WNT7A: variants seen among roughly 807,000 people sequenced by gnomAD.
WNT7A encodes protein Wnt-7a.
WNT7A carries 16 observed loss-of-function variants against 28.2 expected under a neutral mutation model. That is an observed-to-expected ratio of 0.57 (90% CI 0.38 to 0.86). WNT7A has a LOEUF of 0.86. WNT7A is among the 40% of genes least tolerant of loss of function. WNT7A has a pLI of 0.00. For missense variants in WNT7A, 411 were observed against 489.7 expected, an observed-to-expected ratio of 0.84 and a Z score of 1.52; for synonymous variants, 190 against 195.9, an observed-to-expected ratio of 0.97 and a Z score of 0.25.
intron 2 of WNT7A, among the ~76,000 whole-genome samples, chr3:13,873,292 A>G (rs533102095): frequency 2.2e-4 from 33 of 152,046 alleles, no homozygotes; most frequent in Non-Finnish European, 4.3e-4. Flanking sequence ...CTCTGGAAAG[A>G]TCCTCTGCCA....
At chr3:13,858,675 C>T (rs1022934134) in intron 2 of WNT7A, among the ~76,000 whole-genome samples, 6 of 152,134 alleles carry the variant, frequency 3.9e-5, no homozygotes, top group African/African-American at 1.4e-4. Flanking sequence ...TCCTCAGCAC[C>T]CACTGCCCCT....
intron 3 of WNT7A, among the ~76,000 whole-genome samples, chr3:13,841,173 G>A (rs1694451109): frequency 1.3e-5 from 2 of 152,176 alleles, no homozygotes; most frequent in Non-Finnish European, 2.9e-5. Flanking sequence ...ATAATCTCAG[G>A]CGTCAGTGAA....
At chr3:13,856,418 G>GC (rs1694730325) in intron 2 of WNT7A, among the ~76,000 whole-genome samples, 1 of 152,234 alleles carries the variant, frequency 6.6e-6, no homozygotes, top group African/African-American at 2.4e-5. Flanking sequence ...GTGGAATGAA[G>GC]CCCCTGGGGA....
At chr3:13,867,112 C>G (rs1251298042) in intron 2 of WNT7A, among the ~76,000 whole-genome samples, 1 of 152,144 alleles carries the variant, frequency 6.6e-6, no homozygotes, top group East Asian at 1.9e-4. Flanking sequence ...GGGATGTCAT[C>G]CAATGGATAA....
intron 3 of WNT7A, among the ~76,000 whole-genome samples, chr3:13,835,262 C>T (rs779983553): frequency 2.6e-5 from 4 of 152,150 alleles, no homozygotes; most frequent in Non-Finnish European, 5.9e-5. Context: ...CAGGTGTCCA[C>T]GCAGAGGACA....
chr3:13,847,168 G>A (rs1306542038), intron 3 of WNT7A, among the ~76,000 whole-genome samples: 1 of 152,212 alleles, frequency 6.6e-6, no homozygotes, highest in East Asian at 1.9e-4. Context: ...CTCCGCCCCA[G>A]CCTGGGCTGG....
At chr3:13,822,177 C>G (rs1298755496) in intron 3 of WNT7A, among the ~76,000 whole-genome samples, 1 of 152,210 alleles carries the variant, frequency 6.6e-6, no homozygotes, top group Non-Finnish European at 1.5e-5. Context: ...TCTGGCAGCT[C>G]CTCAGAATGT....
At chr3:13,861,561 G>A (rs923113089) in intron 2 of WNT7A, among the ~76,000 whole-genome samples, 1 of 152,226 alleles carries the variant, frequency 6.6e-6, no homozygotes, top group African/African-American at 2.4e-5. Context: ...GGGGATATCT[G>A]GGGTGGTGCC....
chr3:13,864,293 C>T (rs1388115692), intron 2 of WNT7A, among the ~76,000 whole-genome samples: 1 of 152,148 alleles, frequency 6.6e-6, no homozygotes, highest in Non-Finnish European at 1.5e-5. Flanking sequence ...TGAGTCTGGT[C>T]CCAAAACCCT....
intron 3 of WNT7A, among the ~76,000 whole-genome samples, chr3:13,847,480 T>A (rs553649487): frequency 6.6e-6 from 1 of 152,274 alleles, no homozygotes; most frequent in South Asian, 2.1e-4. Context: ...ATTGATTAAA[T>A]GCCCACAGAA....
At chr3:13,859,465 A>T (rs1694794901) in intron 2 of WNT7A, among the ~76,000 whole-genome samples, 1 of 152,220 alleles carries the variant, frequency 6.6e-6, no homozygotes, top group Non-Finnish European at 1.5e-5. Flanking sequence ...AGTGAGCATT[A>T]TAATTATAAT....
intron 2 of WNT7A, among the ~76,000 whole-genome samples, chr3:13,859,024 A>G (rs1192504693): frequency 6.6e-6 from 1 of 152,214 alleles, no homozygotes; most frequent in African/African-American, 2.4e-5. Flanking sequence ...AGTGAACTGA[A>G]TTACAAAACA....
rs946331203 is a variant in WNT7A, at chr3:13,871,829, C to G, written c.298+3118G>C. Among the ~76,000 whole-genome samples, 3 of 152,302 alleles carry G rather than the reference C, an allele frequency of 2.0e-5. No individual in the cohort carries two copies. The East Asian group carries it at 5.8e-4, about 29-fold the overall frequency. On this transcript the variant is annotated intron_variant, in intron 2 of 3. Transcript: ENST00000285018. ...AAACCCAAAGTCGGATACTGTCCCT[C>G]CCTTATTGTCTCCCCTCCAGAAGGT... is the stretch of plus-strand genomic sequence containing the variant.
chr3:13,819,433 A>G lies in WNT7A; in HGVS notation c.571-10T>C. 6.2e-7 allele frequency: 1 copy of G among 1,610,704 alleles called. No individual in the cohort carries two copies. Among genetic ancestry groups the G allele is most frequent in the Non-Finnish European group, 8.5e-7 (1 of 1,179,834 alleles). On this transcript the variant is annotated splice_polypyrimidine_tract_variant and intron_variant, in intron 3 of 3. Coordinates refer to ENST00000285018, the MANE Select transcript of WNT7A (RefSeq NM_004625.4). ...TGTTCTCCTCCAGGATCTGCAGGGGAGGGCGGGGAAGAGCACAGCACAGGT... is the reference window on the plus strand; with the variant it reads ...TGTTCTCCTCCAGGATCTGCAGGGGGGGGCGGGGAAGAGCACAGCACAGGT...
intron 3 of WNT7A, among the ~76,000 whole-genome samples, chr3:13,835,192 C>T (rs1007311506): frequency 1.3e-5 from 2 of 152,136 alleles, no homozygotes; most frequent in East Asian, 3.9e-4. Flanking sequence ...GGGTCTTTGT[C>T]CTGATGGTTC....
chr3:13,876,524 G>A (rs1439007299), intron 1 of WNT7A, among the ~76,000 whole-genome samples: 1 of 152,184 alleles, frequency 6.6e-6, no homozygotes, highest in Non-Finnish European at 1.5e-5. Flanking sequence ...AGGGCTGCAG[G>A]TAGAGCCACT....
At chr3:13,863,013 G>T (rs1394853369) in intron 2 of WNT7A, among the ~76,000 whole-genome samples, 1 of 152,146 alleles carries the variant, frequency 6.6e-6, no homozygotes, top group African/African-American at 2.4e-5. Context: ...CCTTGAATGA[G>T]CTAACTCACC....
intron 3 of WNT7A, among the ~76,000 whole-genome samples, chr3:13,823,991 A>G (rs1428887569): frequency 1.3e-5 from 2 of 151,770 alleles, no homozygotes; most frequent in Non-Finnish European, 2.9e-5. Flanking sequence ...AGGAGTAACC[A>G]CTCCCCAGTG....
chr3:13,849,345 G>A (rs555064303), intron 3 of WNT7A, among the ~76,000 whole-genome samples: 1 of 152,160 alleles, frequency 6.6e-6, no homozygotes, highest in South Asian at 2.1e-4. Flanking sequence ...GAGATACATG[G>A]CGAATCATTT....
Sources: allele counts gnomAD v4.1 joint callset (sites outside exome capture counted in the v4.1 genomes callset), GRCh38; gene constraint gnomAD v4.1.1; transcripts MANE v1.5; gene names NCBI Gene and HGNC (gene_info 2026-07-23, HGNC 2026-07-21).